The following FA2H variants were observed in gnomAD, a reference collection of about 807,000 sequenced individuals.
FA2H encodes the protein fatty acid 2-hydroxylase.
A neutral mutation model predicts 44.9 loss-of-function variants in FA2H; 22 were observed. The ratio of observed to expected loss-of-function variants is 0.49; its 90% CI spans 0.35 to 0.70. The LOEUF is 0.70. Ranked by LOEUF, FA2H falls within the 30% of genes least tolerant of loss-of-function variation. The probability of loss-of-function intolerance (pLI) is 0.01; values close to 1 mark genes in which losing one functional copy is unlikely to be tolerated. For missense variants in FA2H, 501 were observed against 504.9 expected, an observed-to-expected ratio of 0.99 and a Z score of 0.07; for synonymous variants, 243 against 213.2, an observed-to-expected ratio of 1.14 and a Z score of -1.22.
In FA2H at chr16:74,741,793, T is replaced by C. The variant is rs1303903178; in HGVS notation, c.271-1678A>G. On this transcript the variant is annotated intron_variant, in intron 1 of 6. Coordinates refer to ENST00000219368, the MANE Select transcript of FA2H (RefSeq NM_024306.5). ...GATTAAATATATATATATATATATATATATATATATATATATGTGTGTGTG... is the reference window on the plus strand; with the variant it reads ...GATTAAATATATATATATATATATACATATATATATATATATGTGTGTGTG... Among the ~76,000 whole-genome samples the C allele has an allele frequency of 8.5e-3, 669 of 78,344 alleles. 12 individuals are homozygous for C. Among genetic ancestry groups the C allele is most frequent in the Non-Finnish European group, 0.013 (523 of 41,118 alleles). The allele number at this position is 78,344 out of a possible 152,430, so 51.4% of individuals were successfully genotyped here. A position where few individuals can be genotyped will look rare whatever the true frequency, so the allele number is the denominator to read the frequency against.
At chr16:74,767,670 T>G (rs751996659) in intron 1 of FA2H, among the ~76,000 whole-genome samples, 6 of 152,258 alleles carry the variant, frequency 3.9e-5, no homozygotes, top group Non-Finnish European at 7.4e-5. Context: ...CAGCCTCCAG[T>G]AGCTGGAAAA....
chr16:74,767,021 A>G (rs1262123523), intron 1 of FA2H, among the ~76,000 whole-genome samples: 2 of 152,062 alleles, frequency 1.3e-5, no homozygotes, highest in Admixed American at 1.3e-4. Flanking sequence ...GGTTAAAAAA[A>G]AAAAATTGGC....
At chr16:74,762,233 C>T (rs755053966) in intron 1 of FA2H, among the ~76,000 whole-genome samples, 27 of 152,128 alleles carry the variant, frequency 1.8e-4, no homozygotes, top group Non-Finnish European at 4.4e-5. Flanking sequence ...TTAGTAGAGA[C>T]GGGGTTTCAC....
At chr16:74,727,119 C>G in intron 3 of FA2H, 125 bp downstream of exon 3, 1 of 1,325,746 alleles carries the variant, frequency 7.5e-7, no homozygotes, top group Non-Finnish European at 1.1e-6. Context: ...TTCCTCCCTC[C>G]CTGACAGCTT....
At chr16:74,733,170 T>C (rs117054220) in intron 2 of FA2H, among the ~76,000 whole-genome samples, 1,844 of 152,290 alleles carry the variant, frequency 0.012, 19 homozygotes, top group Non-Finnish European at 0.019. Flanking sequence ...CACTTCACTC[T>C]GGGGCTGAAG....
At chr16:74,732,115 C>T (rs1356105020) in intron 2 of FA2H, among the ~76,000 whole-genome samples, 1 of 151,322 alleles carries the variant, frequency 6.6e-6, no homozygotes, top group East Asian at 2.0e-4. Context: ...AGCTCCTGGG[C>T]TCAAGTGATC....
chr16:74,740,934 G>A (rs1163546562), intron 1 of FA2H, among the ~76,000 whole-genome samples: 1 of 152,184 alleles, frequency 6.6e-6, no homozygotes. Context: ...AGGCAGCAGG[G>A]AGCGAGGGAG....
chr16:74,728,780 CTTTTTTTT>C (rs935652907), intron 2 of FA2H, among the ~76,000 whole-genome samples: 1,235 of 113,948 alleles, frequency 0.011, 11 homozygotes, highest in Non-Finnish European at 0.018. Flanking sequence ...TTATCTCTTT[CTTTTTTTT>C]TTTTTTTTTT....
chr16:74,759,462 G>A, intron 1 of FA2H, among the ~76,000 whole-genome samples: 1 of 152,186 alleles, frequency 6.6e-6, no homozygotes, highest in Non-Finnish European at 1.5e-5. Flanking sequence ...AAGAGTGGTG[G>A]AGGAAGTAAG....
At chr16:74,717,253 G>A (rs1205391635) in intron 5 of FA2H, 1 of 152,356 alleles carries the variant, frequency 6.6e-6, no homozygotes, top group Non-Finnish European at 1.5e-5. Flanking sequence ...ATGGCTTGGT[G>A]AGGAGTCTGA....
intron 1 of FA2H, among the ~76,000 whole-genome samples, chr16:74,760,585 CA>C (rs1962690257): frequency 6.8e-6 from 1 of 146,740 alleles, no homozygotes; most frequent in Non-Finnish European, 1.5e-5. Flanking sequence ...CAGAGGAAGG[CA>C]TGCCTGCTCC....
intron 1 of FA2H, among the ~76,000 whole-genome samples, chr16:74,740,544 C>T (rs1163348290): frequency 4.6e-5 from 7 of 150,846 alleles, no homozygotes; most frequent in East Asian, 2.0e-4. Flanking sequence ...CGCTTGAACC[C>T]GGGAGGTAGA....
chr16:74,761,396 TGA>T (rs920650405), intron 1 of FA2H, among the ~76,000 whole-genome samples: 9 of 151,332 alleles, frequency 5.9e-5, no homozygotes, highest in Non-Finnish European at 1.3e-4. Context: ...GAGGTTGTAG[TGA>T]CCTGAGATCA....
intron 1 of FA2H, among the ~76,000 whole-genome samples, chr16:74,771,115 G>A (rs1035717920): frequency 1.3e-5 from 2 of 152,240 alleles, no homozygotes; most frequent in Admixed American, 6.5e-5. Context: ...AACACAGGGC[G>A]GGCCCATGAG....
chr16:74,738,540 TCA>T (rs1469822626), intron 2 of FA2H, among the ~76,000 whole-genome samples: 2 of 152,166 alleles, frequency 1.3e-5, no homozygotes, highest in Non-Finnish European at 2.9e-5. Flanking sequence ...TCATGTCACA[TCA>T]CCCTGATGGC....
intron 2 of FA2H, among the ~76,000 whole-genome samples, chr16:74,739,245 C>T (rs1962243888): frequency 6.6e-6 from 1 of 152,152 alleles, no homozygotes; most frequent in Non-Finnish European, 1.5e-5. Flanking sequence ...TCTTTGAGGC[C>T]CAAACTAGGC....
chr16:74,767,080 G>A (rs1427101258), intron 1 of FA2H, among the ~76,000 whole-genome samples: 1 of 152,192 alleles, frequency 6.6e-6, no homozygotes, highest in Admixed American at 6.5e-5. Context: ...GGAGGCTGAG[G>A]CAGGCAAATC....
At position 74,716,408 on chromosome 16, in the gene FA2H, G is replaced by A; in HGVS notation, c.978C>T (p.Gly326=). The change falls in exon 6 of 7, where the codon GGC becomes GGT. Residue 326 remains glycine (G), a synonymous_variant. Transcript: ENST00000219368. ...GGGCCTTCAGGCTGTACAGGTAGGA[G>A]CCCTTGTGCGGCGAGCCAAAGTGCA... is the stretch of plus-strand genomic sequence containing the variant. ...YYLHFGSPHK[G]SYLYSLKAHH... 1 of 1,614,072 alleles carries A rather than the reference G, an allele frequency of 6.2e-7. No homozygotes were observed. The highest frequency in any genetic ancestry group is 8.5e-7 in the Non-Finnish European group (1 of 1,180,010).
At chr16:74,763,922 T>G (rs1357258379) in intron 1 of FA2H, among the ~76,000 whole-genome samples, 2 of 152,260 alleles carry the variant, frequency 1.3e-5, no homozygotes, top group African/African-American at 4.8e-5. Flanking sequence ...CAAATTTGCT[T>G]GCCTGGTATT....
Sources: gnomAD v4.1 joint callset for allele counts (sites outside exome capture counted in the v4.1 genomes callset) on GRCh38, gnomAD v4.1.1 for gene constraint, MANE v1.5 for transcripts, NCBI Gene and HGNC (gene_info 2026-07-23, HGNC 2026-07-21) for gene names.